Variants in PDCL3 observed in about 807,000 individuals in gnomAD.
PDCL3 encodes phosducin like 3, also known as phosducin-like protein 3.
PDCL3 carries 22 observed loss-of-function variants against 26.5 expected under a neutral mutation model. That is an observed-to-expected ratio of 0.83 (90% CI 0.59 to 1.19). PDCL3 has a LOEUF of 1.19. Among genes scored for constraint, PDCL3 ranks in the 50% most tolerant of loss-of-function variants. The probability of loss-of-function intolerance (pLI) is 0.00; values close to 1 mark genes in which losing one functional copy is unlikely to be tolerated. For synonymous variants in PDCL3, 81 were observed against 104.9 expected (o/e 0.77, Z 1.39); for missense variants, 246 against 294.1 (o/e 0.84, Z 1.20).
intron 5 of PDCL3, among the ~76,000 whole-genome samples, chr2:100,575,336 C>T (rs184798332): frequency 3.7e-4 from 56 of 152,190 alleles, no homozygotes; most frequent in Admixed American, 1.9e-3. Context: ...GGGGTTTCAC[C>T]GTGTTAGCCA....
intron 5 of PDCL3, among the ~76,000 whole-genome samples, chr2:100,574,378 A>G (rs1675238867): frequency 6.6e-6 from 1 of 151,018 alleles, no homozygotes; most frequent in South Asian, 2.1e-4. Context: ...GGTTGAATTT[A>G]TATAACATTC....
rs1385383039 is a variant in PDCL3, at chr2:100,576,600, T to C, written c.*104T>C. 2.2e-5 allele frequency: 26 copies of C among 1,169,272 alleles called. No homozygotes were observed. Among genetic ancestry groups the C allele is most frequent in the Non-Finnish European group, 2.9e-5 (26 of 901,672 alleles). The allele number at this position is 1,169,272 out of a possible 1,614,324, so 72.4% of individuals were successfully genotyped here. On this transcript the variant is annotated 3_prime_UTR_variant, in exon 6 of 6. Transcript: ENST00000264254. ...AATCCTTGTGGTTTTTAGTTTTGTATAAATTATGTTTCAAATCTTTACATT... is the reference window on the plus strand; with the variant it reads ...AATCCTTGTGGTTTTTAGTTTTGTACAAATTATGTTTCAAATCTTTACATT...
chr2:100,572,876 G>T (rs1244777930), intron 5 of PDCL3, among the ~76,000 whole-genome samples: 1 of 151,566 alleles, frequency 6.6e-6, no homozygotes, highest in Non-Finnish European at 1.5e-5. Flanking sequence ...GGAAGGATGT[G>T]GTTTTTGTTT....
rs143524977 is a variant in PDCL3 at position 100,569,676 on chromosome 2, A to G, written c.323A>G (p.Lys108Arg). 348 of 1,613,990 alleles carry G rather than the reference A, an allele frequency of 2.2e-4. 2 individuals carry two copies. The African/African-American group carries it at 3.9e-3, about 18-fold the overall frequency. Residue 108 changes from lysine (K) to arginine (R), a missense_variant, in exon 4 of 6, where the codon AAA (lysine) becomes AGA (arginine). By Grantham distance (26) the Lys-to-Arg change is conservative. Coordinates refer to ENST00000264254, the MANE Select transcript of PDCL3 (RefSeq NM_024065.5). The part of the protein sequence containing the change: ...SGKDYVQEVT[K>R]AGEGLWVILH... ...AAGGATTATGTTCAAGAAGTTACCA[A>G]AGCTGGCGAGGGCTTGTGGGTCATC...
intron 5 of PDCL3, among the ~76,000 whole-genome samples, chr2:100,573,324 T>G (rs1675214711): frequency 6.6e-6 from 1 of 152,182 alleles, no homozygotes; most frequent in African/African-American, 2.4e-5. Context: ...TATTTCCAAC[T>G]ATGCTTTACC....
intron 5 of PDCL3, 124 bp downstream of exon 5, chr2:100,571,922 G>GTGACTGT: frequency 1.3e-5 from 12 of 895,132 alleles, no homozygotes; most frequent in Non-Finnish European, 2.0e-5. Flanking sequence ...CTGTGTATGA[G>GTGACTGT]GACGGAAGCA....
intron 2 of PDCL3, among the ~76,000 whole-genome samples, chr2:100,567,482 G>A (rs1675079613): frequency 1.3e-5 from 2 of 152,202 alleles, no homozygotes; most frequent in South Asian, 2.1e-4. Flanking sequence ...CAGGCTCAGA[G>A]AGGGCCTCAC....
chr2:100,569,044 G>T (rs1675115327), intron 3 of PDCL3, 23 bp downstream of exon 3: 4 of 1,577,542 alleles, frequency 2.5e-6, no homozygotes, highest in African/African-American at 1.4e-5. Flanking sequence ...CAGAGGGGCT[G>T]TTTGTTTTTT....
At chr2:100,563,313 CTA>C (rs1573276003) in intron 1 of PDCL3, 1 of 485,446 alleles carries the variant, frequency 2.1e-6, no homozygotes, top group Non-Finnish European at 3.6e-6. Flanking sequence ...TCCTCCGGGA[CTA>C]TGTCTTCTCG....
At chr2:100,567,713 G>A (rs1675083953) in intron 2 of PDCL3, among the ~76,000 whole-genome samples, 1 of 152,168 alleles carries the variant, frequency 6.6e-6, no homozygotes, top group Non-Finnish European at 1.5e-5. Context: ...CTGGGGGAGA[G>A]AGTTCAGAGC....
chr2:100,575,865 C>T (rs1014360404), intron 5 of PDCL3, among the ~76,000 whole-genome samples: 1 of 152,050 alleles, frequency 6.6e-6, no homozygotes, highest in Non-Finnish European at 1.5e-5. Flanking sequence ...TGATTTCCTT[C>T]CTGGGAAATT....
At chr2:100,576,255 T>G in intron 5 of PDCL3, 99 bp from the exon 6 acceptor site, 1 of 1,401,890 alleles carries the variant, frequency 7.1e-7, no homozygotes, top group African/African-American at 1.5e-5. Flanking sequence ...TTTCGATAAT[T>G]GTATTTTCTA....
chr2:100,569,582 C>T lies in PDCL3; in HGVS notation c.229C>T (p.Arg77Trp), dbSNP rs764467465. 27 of 1,612,384 alleles carry T rather than the reference C, an allele frequency of 1.7e-5. No individual in the cohort carries two copies. Among genetic ancestry groups the T allele is most frequent in the Non-Finnish European group, 2.2e-5 (26 of 1,179,618 alleles). ...TTCTCTCCTTGTTTTGTGCAGACGG[C>T]GGAGACTGGCTGAGTGGAAAGCAAC... ...DERAIEMYRR[R>W]RLAEWKATKL... Residue 77 changes from arginine (R) to tryptophan (W), a missense_variant, in exon 4 of 6, where the codon CGG (arginine) becomes TGG (tryptophan). Physicochemically the swap from Arg to Trp is moderately radical, Grantham distance 101. Transcript: ENST00000264254.
intron 2 of PDCL3, 33 bp downstream of exon 2, chr2:100,566,662 G>A (rs1675068220): frequency 1.2e-6 from 2 of 1,611,230 alleles, no homozygotes; most frequent in African/African-American, 1.3e-5. Context: ...GCACCTGTCT[G>A]GGTTAGGAGA....
chr2:100,575,663 ATTCT>A (rs1450332650), intron 5 of PDCL3, among the ~76,000 whole-genome samples: 4 of 152,124 alleles, frequency 2.6e-5, no homozygotes, highest in Admixed American at 6.5e-5. Flanking sequence ...TCAGTTACTG[ATTCT>A]TTATTATCTG....
chr2:100,568,458 C>G (rs1399616441), intron 2 of PDCL3, among the ~76,000 whole-genome samples: 1 of 152,002 alleles, frequency 6.6e-6, no homozygotes, highest in Non-Finnish European at 1.5e-5. Flanking sequence ...ATGGTGAAAC[C>G]CTGTCTCTAT....
At chr2:100,569,253 C>T (rs906342597) in intron 3 of PDCL3, among the ~76,000 whole-genome samples, 2 of 151,968 alleles carry the variant, frequency 1.3e-5, no homozygotes, top group Non-Finnish European at 2.9e-5. Flanking sequence ...TGGTGGTGAA[C>T]GGCTATAGTT....
intron 1 of PDCL3, among the ~76,000 whole-genome samples, chr2:100,565,437 G>T (rs1675044417): frequency 6.6e-6 from 1 of 151,898 alleles, no homozygotes; most frequent in South Asian, 2.1e-4. Context: ...ACCACGCCCG[G>T]CTAATTTTTT....
chr2:100,575,343 G>A (rs1057497323), intron 5 of PDCL3, among the ~76,000 whole-genome samples: 1 of 152,126 alleles, frequency 6.6e-6, no homozygotes, highest in Non-Finnish European at 1.5e-5. Flanking sequence ...CACCGTGTTA[G>A]CCAGGATGGT....
Sources: gnomAD v4.1 joint callset for allele counts (sites outside exome capture counted in the v4.1 genomes callset) on GRCh38, gnomAD v4.1.1 for gene constraint, MANE v1.5 for transcripts, NCBI Gene and HGNC (gene_info 2026-07-23, HGNC 2026-07-21) for gene names.